The following RECK variants were observed in gnomAD, a reference collection of about 807,000 sequenced individuals.
RECK encodes reversion-inducing cysteine-rich protein with Kazal motifs.
In RECK, 69 loss-of-function variants were observed where a neutral mutation model predicts 115.1. The observed-to-expected ratio is 0.60, with a 90% CI of 0.49 to 0.73. The LOEUF (loss-of-function observed/expected upper bound fraction) is 0.73, where lower values mean the gene tolerates loss of function less well. Ranked by LOEUF, RECK falls within the 30% of genes least tolerant of loss-of-function variation. The probability of loss-of-function intolerance (pLI) is 0.00; values close to 1 mark genes in which losing one functional copy is unlikely to be tolerated. For synonymous variants in RECK, 414 were observed against 419.7 expected (o/e 0.99, Z 0.17); for missense variants, 1,047 against 1,203.7 (o/e 0.87, Z 1.93).
At chr9:36,100,281 C>T in intron 10 of RECK, 50 bp from the exon 11 acceptor site, 1 of 1,495,518 alleles carries the variant, frequency 6.7e-7, no homozygotes, top group Non-Finnish European at 9.2e-7. Flanking sequence ...TGTTGCTTCT[C>T]TCTAGAAAAT....
At chr9:36,059,019 GTTAAGT>G (rs372155124) in intron 3 of RECK, 118 bp downstream of exon 3, 2 of 557,156 alleles carry the variant, frequency 3.6e-6, no homozygotes. Context: ...AAAATAAAAT[GTTAAGT>G]TTAACTTAAA....
intron 1 of RECK, among the ~76,000 whole-genome samples, chr9:36,037,714 C>A (rs1294271807): frequency 1.3e-5 from 2 of 151,914 alleles, no homozygotes; most frequent in African/African-American, 4.8e-5. Flanking sequence ...TTGATTGCTT[C>A]CCGCTTGCTG....
chr9:36,099,267 C>T (rs150360051), intron 10 of RECK, among the ~76,000 whole-genome samples: 3,238 of 146,334 alleles, frequency 0.022, 123 homozygotes, highest in African/African-American at 0.079. Context: ...ACAACAACAA[C>T]AACAGTGGAG....
At chr9:36,097,489 A>T (rs1321012442) in intron 10 of RECK, among the ~76,000 whole-genome samples, 1 of 152,186 alleles carries the variant, frequency 6.6e-6, no homozygotes, top group African/African-American at 2.4e-5. Flanking sequence ...CTATCCCTTC[A>T]CGTGTTAAAA....
chr9:36,102,833 G>A (rs546611441), intron 12 of RECK, among the ~76,000 whole-genome samples: 7 of 151,712 alleles, frequency 4.6e-5, no homozygotes, highest in Admixed American at 4.6e-4. Context: ...GCGGGCGCCT[G>A]TAGTCCCAGC....
chr9:36,059,461 A>G (rs1322964734), intron 3 of RECK, among the ~76,000 whole-genome samples: 1 of 152,144 alleles, frequency 6.6e-6, no homozygotes, highest in Non-Finnish European at 1.5e-5. Flanking sequence ...GTCTCAAAAA[A>G]AAAAAAAAAA....
intron 6 of RECK, among the ~76,000 whole-genome samples, chr9:36,075,066 C>T (rs543638035): frequency 2.6e-5 from 4 of 152,174 alleles, no homozygotes; most frequent in African/African-American, 7.2e-5. Flanking sequence ...GGCATGTTCA[C>T]GTGGTGGTGG....
chr9:36,050,735 C>G (rs1315549894), intron 1 of RECK, among the ~76,000 whole-genome samples: 1 of 152,160 alleles, frequency 6.6e-6, no homozygotes, highest in Non-Finnish European at 1.5e-5. Context: ...CTCTACCCTT[C>G]AGTCATTCTT....
intron 12 of RECK, among the ~76,000 whole-genome samples, chr9:36,103,137 A>G (rs34551115): frequency 0.054 from 8,200 of 152,222 alleles, 350 homozygotes; most frequent in Non-Finnish European, 0.078. Context: ...GGTGGAAACC[A>G]GGGGATGACA....
Position 36,118,765 on chromosome 9 carries a change from C to A in RECK, c.2262C>A (p.Cys754Ter). 6.2e-7 allele frequency: 1 copy of A among 1,613,728 alleles called. No homozygotes were observed. Among genetic ancestry groups the A allele is most frequent in the Non-Finnish European group, 8.5e-7 (1 of 1,179,868 alleles). The change falls in exon 18 of 21, where the codon TGC becomes TGA. Residue 754 changes from cysteine to a stop codon, truncating the protein, a stop_gained. Transcript: ENST00000377966. LOFTEE classifies it high-confidence loss of function. The stretch of plus-strand genomic sequence containing the variant: ...GATTTGTTTGCCCTCAGCCCTTTTG[C>A]AGAGCAACCGAGCCCGTATGTGGGC... Reference protein sequence around the residue: ...LSYKGPCQPFCRATEPVCGHN... With the variant: ...LSYKGPCQPF
At chr9:36,101,750 G>A (rs909732300) in intron 11 of RECK, among the ~76,000 whole-genome samples, 2 of 152,194 alleles carry the variant, frequency 1.3e-5, no homozygotes, top group Non-Finnish European at 2.9e-5. Flanking sequence ...AAGCAAACAA[G>A]CCAGCATAAG....
intron 12 of RECK, among the ~76,000 whole-genome samples, chr9:36,103,336 A>G (rs1823635711): frequency 6.6e-6 from 1 of 152,270 alleles, no homozygotes; most frequent in South Asian, 2.1e-4. Context: ...CTAGGGCTTC[A>G]TCATCAGGAA....
At chr9:36,091,082 T>A (rs992758612) in intron 9 of RECK, 82 bp from the exon 10 acceptor site, 7 of 1,326,574 alleles carry the variant, frequency 5.3e-6, no homozygotes, top group Non-Finnish European at 7.5e-6. Context: ...AAGTATATAG[T>A]TCATAGAGTT....
chr9:36,104,343 T>C (rs1823714115), intron 12 of RECK, among the ~76,000 whole-genome samples: 1 of 81,574 alleles, frequency 1.2e-5, no homozygotes, highest in East Asian at 3.7e-4. Context: ...TTTTTTTTTT[T>C]TTTTTTTTTT....
intron 5 of RECK, among the ~76,000 whole-genome samples, chr9:36,064,436 A>G (rs1821909313): frequency 6.6e-6 from 1 of 152,182 alleles, no homozygotes; most frequent in Non-Finnish European, 1.5e-5. Context: ...GTGGTTTCTC[A>G]GAGAGGAAAA....
chr9:36,090,006 AT>A, intron 9 of RECK, among the ~76,000 whole-genome samples: 1 of 146,096 alleles, frequency 6.8e-6, no homozygotes, highest in Admixed American at 6.8e-5. Context: ...ACACACACAA[AT>A]TAGCCAGGTG....
At chr9:36,118,470 T>C (rs965400254) in intron 17 of RECK, among the ~76,000 whole-genome samples, 8 of 152,132 alleles carry the variant, frequency 5.3e-5, no homozygotes, top group African/African-American at 1.9e-4. Context: ...CAGAGAGAGG[T>C]AGCAGGAAAG....
intron 18 of RECK, among the ~76,000 whole-genome samples, chr9:36,119,785 G>A (rs576732554): frequency 2.6e-5 from 4 of 152,260 alleles, no homozygotes; most frequent in South Asian, 2.1e-4. Context: ...CAGCAAGTAC[G>A]ATGACACGAA....
chr9:36,092,734 A>G (rs1172070705), intron 10 of RECK, among the ~76,000 whole-genome samples: 2 of 151,836 alleles, frequency 1.3e-5, no homozygotes, highest in African/African-American at 4.8e-5. Context: ...CGAAAGCCAC[A>G]TTTGTGCACT....
Sources: gnomAD v4.1 joint callset for allele counts (sites outside exome capture counted in the v4.1 genomes callset) on GRCh38, gnomAD v4.1.1 for gene constraint, MANE v1.5 for transcripts, NCBI Gene and HGNC (gene_info 2026-07-23, HGNC 2026-07-21) for gene names.